The following ANTXR1 variants were observed in gnomAD, a reference collection of about 807,000 sequenced individuals.
The protein encoded by ANTXR1 is ANTXR cell adhesion molecule 1.
In ANTXR1, 19 loss-of-function variants were observed where a neutral mutation model predicts 78.1. The ratio of observed to expected loss-of-function variants is 0.24; its 90% CI spans 0.17 to 0.36. The LOEUF is 0.36. ANTXR1 is among the 10% of genes least tolerant of loss of function. The pLI, the probability that ANTXR1 is intolerant of heterozygous loss-of-function variation, is 1.00. For missense variants in ANTXR1, 518 were observed against 718.6 expected, an observed-to-expected ratio of 0.72 and a Z score of 3.19; for synonymous variants, 273 against 260.5, an observed-to-expected ratio of 1.05 and a Z score of -0.46.
At chr2:69,231,691 T>C (rs1352026536) in intron 17 of ANTXR1, among the ~76,000 whole-genome samples, 4 of 152,126 alleles carry the variant, frequency 2.6e-5, no homozygotes, top group African/African-American at 7.2e-5. Context: ...GGAAGGTTGA[T>C]TGGACATCCC....
intron 17 of ANTXR1, among the ~76,000 whole-genome samples, chr2:69,196,653 G>A (rs1042078702): frequency 6.6e-6 from 1 of 152,174 alleles, no homozygotes; most frequent in Admixed American, 6.5e-5. Context: ...ACTGATTTAT[G>A]GAGCTGACCA....
intron 14 of ANTXR1, among the ~76,000 whole-genome samples, chr2:69,175,572 C>T (rs1674099280): frequency 6.6e-6 from 1 of 152,128 alleles, no homozygotes; most frequent in Non-Finnish European, 1.5e-5. Flanking sequence ...TGCAGTGAAC[C>T]ATGTTCATGC....
rs540042351 is a variant in ANTXR1, at chr2:69,143,493, T to C, written c.952-8676T>C. 6.2e-4 allele frequency among the ~76,000 whole-genome samples: 95 copies of C among 152,240 alleles called. 2 individuals carry two copies. The highest frequency in any genetic ancestry group is 2.1e-3 in the African/African-American group (87 of 41,540). The stretch of plus-strand genomic sequence containing the variant: ...AGTTTGACATATCAATAGGACCTAC[T>C]GGACAATTGAATGGTCCTGAATACA... On this transcript the variant is annotated intron_variant, in intron 12 of 17. Transcript: ENST00000303714.
chr2:69,167,347 A>G (rs1052038251), intron 13 of ANTXR1, among the ~76,000 whole-genome samples: 2 of 152,230 alleles, frequency 1.3e-5, no homozygotes, highest in African/African-American at 4.8e-5. Flanking sequence ...ATGGTGCCGC[A>G]GGCTACAGAG....
In ANTXR1 at chr2:69,188,182, T is replaced by A. The variant is rs1674468586; in HGVS notation, c.1354-5153T>A. On this transcript the variant is annotated intron_variant, in intron 16 of 17. Transcript: ENST00000303714. ...TAGTGCAGTGGTGCGATCATATAGC[T>A]CACTGTAGCATCAACCTAGGTTCAA... Among the ~76,000 whole-genome samples, 5 of 152,030 alleles carry A rather than the reference T, an allele frequency of 3.3e-5. No homozygotes were observed. In the South Asian group the frequency reaches 1.0e-3, roughly 32 times the overall value.
chr2:69,237,908 A>G (rs1407415513), intron 17 of ANTXR1, among the ~76,000 whole-genome samples: 1 of 152,262 alleles, frequency 6.6e-6, no homozygotes, highest in African/African-American at 2.4e-5. Context: ...AAGCCAAAAT[A>G]TCAAAGTGAA....
chr2:69,052,054 C>T (rs1669946674), intron 3 of ANTXR1, among the ~76,000 whole-genome samples: 3 of 151,916 alleles, frequency 2.0e-5, no homozygotes, highest in South Asian at 4.1e-4. Context: ...TTGCTTGCCT[C>T]GATAGTGACA....
At chr2:69,236,209 A>T (rs969344420) in intron 17 of ANTXR1, among the ~76,000 whole-genome samples, 11 of 152,230 alleles carry the variant, frequency 7.2e-5, no homozygotes, top group African/African-American at 2.7e-4. Context: ...TCAGTAAAAA[A>T]GATCAATAAA....
intron 1 of ANTXR1, among the ~76,000 whole-genome samples, chr2:69,032,504 C>T (rs1671557826): frequency 6.6e-6 from 1 of 152,156 alleles, no homozygotes; most frequent in African/African-American, 2.4e-5. Flanking sequence ...GCCACTCTCA[C>T]CCGACGATGT....
At chr2:69,125,290 G>A (rs1432898278) in intron 12 of ANTXR1, among the ~76,000 whole-genome samples, 1 of 152,150 alleles carries the variant, frequency 6.6e-6, no homozygotes, top group Admixed American at 6.5e-5. Flanking sequence ...GCATCAAGTA[G>A]TTTTCATTCC....
chr2:69,161,102 G>T lies in ANTXR1; in HGVS notation c.1047+8838G>T, dbSNP rs567583553. On this transcript the variant is annotated intron_variant, in intron 13 of 17. Coordinates refer to ENST00000303714, the MANE Select transcript of ANTXR1 (RefSeq NM_032208.3). ...AAAAATCGGCTTTCCCGTAACCCAG[G>T]CAGAGGCCAGAGGCTGCTCCTTCAA... Among the ~76,000 whole-genome samples the T allele has an allele frequency of 9.7e-4, 147 of 152,300 alleles. 1 individual carries two copies. The highest frequency in any genetic ancestry group is 2.0e-4 in the Admixed American group (3 of 15,304).
chr2:69,191,284 C>G (rs1394428141), intron 16 of ANTXR1, among the ~76,000 whole-genome samples: 1 of 152,184 alleles, frequency 6.6e-6, no homozygotes, highest in Non-Finnish European at 1.5e-5. Flanking sequence ...CCCACAAGAA[C>G]TCAAACAACA....
At chr2:69,085,626 C>T (rs1271784562) in intron 8 of ANTXR1, among the ~76,000 whole-genome samples, 1 of 151,886 alleles carries the variant, frequency 6.6e-6, no homozygotes, top group East Asian at 1.9e-4. Context: ...CCAGGCTAGT[C>T]ATTGTGAATA....
At chr2:69,223,073 G>A (rs560234987) in intron 17 of ANTXR1, among the ~76,000 whole-genome samples, 139 of 152,240 alleles carry the variant, frequency 9.1e-4, no homozygotes, top group African/African-American at 3.3e-3. Context: ...GAGAAGCAAG[G>A]AGCTGGCTCT....
intron 3 of ANTXR1, among the ~76,000 whole-genome samples, chr2:69,045,215 T>C (rs1669727503): frequency 1.3e-5 from 2 of 152,140 alleles, no homozygotes; most frequent in Admixed American, 1.3e-4. Context: ...GAGCTTGAAA[T>C]ATTTACTGTT....
At chr2:69,052,995 T>TATGTCTTCAACATAAATATACACTAGA (rs1669968018) in intron 3 of ANTXR1, among the ~76,000 whole-genome samples, 1 of 152,218 alleles carries the variant, frequency 6.6e-6, no homozygotes, top group Non-Finnish European at 1.5e-5. Context: ...CTGTTGAAGG[T>TATGTCTTCAACATAAATATACACTAGA]ATGTCTTCAA....
At chr2:69,118,763 T>G (rs1391840109) in intron 10 of ANTXR1, among the ~76,000 whole-genome samples, 1 of 152,322 alleles carries the variant, frequency 6.6e-6, no homozygotes, top group African/African-American at 2.4e-5. Context: ...AAGGAAGGCT[T>G]TGTGCCCTGC....
chr2:69,146,995 G>A (rs1193184215), intron 12 of ANTXR1, among the ~76,000 whole-genome samples: 1 of 152,260 alleles, frequency 6.6e-6, no homozygotes, highest in Non-Finnish European at 1.5e-5. Flanking sequence ...GGAAGCAGGT[G>A]GCAGTTAGCA....
At chr2:69,071,842 T>C in intron 5 of ANTXR1, 55 bp downstream of exon 5, 1 of 1,545,834 alleles carries the variant, frequency 6.5e-7, no homozygotes, top group Non-Finnish European at 8.9e-7. Context: ...TCCGTGTTTG[T>C]TGCTGAAAAA....
Sources: allele counts gnomAD v4.1 joint callset (sites outside exome capture counted in the v4.1 genomes callset), GRCh38; gene constraint gnomAD v4.1.1; transcripts MANE v1.5; gene names NCBI Gene and HGNC (gene_info 2026-07-23, HGNC 2026-07-21).